The following RAB13 variants were observed in gnomAD, a reference collection of about 807,000 sequenced individuals.
RAB13 encodes RAB13, member RAS oncogene family.
A neutral mutation model predicts 29.3 loss-of-function variants in RAB13; 15 were observed. That is an observed-to-expected ratio of 0.51 (90% CI 0.34 to 0.79). RAB13 has a LOEUF of 0.79. Ranked by LOEUF, RAB13 falls within the 30% of genes least tolerant of loss-of-function variation. RAB13 has a pLI of 0.01. For synonymous variants in RAB13, 82 were observed against 93.8 expected, an observed-to-expected ratio of 0.87 and a Z score of 0.73; for missense variants, 186 against 255.5, an observed-to-expected ratio of 0.73 and a Z score of 1.85.
chr1:153,982,455 G>T lies in RAB13; in HGVS notation c.481-11C>A. 1 of 1,613,452 alleles carries T rather than the reference G, an allele frequency of 6.2e-7. No homozygotes were observed. Among genetic ancestry groups the T allele is most frequent in the Non-Finnish European group, 8.5e-7 (1 of 1,179,414 alleles). On this transcript the variant is annotated splice_polypyrimidine_tract_variant and intron_variant, in intron 6 of 7. Coordinates refer to ENST00000368575, the MANE Select transcript of RAB13 (RefSeq NM_002870.5). ...CAGGGAACTAAAAGCCTAAAGTGGG[G>T]AACAGAGTCAGTTTGGAGGGAGGAG...
intron 7 of RAB13, 49 bp downstream of exon 7, chr1:153,982,342 C>G: frequency 1.8e-5 from 23 of 1,310,550 alleles, no homozygotes; most frequent in Non-Finnish European, 2.4e-5. Context: ...CACATACATA[C>G]ACACACACAC....
Position 153,986,258 on chromosome 1 carries a change from G to C in RAB13, c.-22C>G. The C allele has an allele frequency of 6.2e-7, 1 of 1,601,692 alleles. No individual in the cohort carries two copies. The highest frequency in any genetic ancestry group is 1.1e-5 in the South Asian group (1 of 89,768). On this transcript the variant is annotated 5_prime_UTR_variant, in exon 1 of 8. Coordinates refer to ENST00000368575, the MANE Select transcript of RAB13 (RefSeq NM_002870.5). ...CCATGGCGGACACCGGGGGAGCCGG[G>C]GGAGGGGTGGGGAGCGCCCGGCACT...
rs985567775 is a variant in RAB13 at position 153,983,455 on chromosome 1, C to T, written c.246+66G>A. The T allele has an allele frequency of 4.5e-6, 7 of 1,538,620 alleles. No homozygotes were observed. The Admixed American group carries it at 1.2e-4, about 26-fold the overall frequency. The stretch of plus-strand genomic sequence containing the variant: ...ATTTTTACCTGCCCCAACCCCTGAC[C>T]CTTTGTATTCATAATATATTCTGTA... On this transcript the variant is annotated intron_variant, in intron 3 of 7. Coordinates refer to ENST00000368575, the MANE Select transcript of RAB13 (RefSeq NM_002870.5).
upstream of RAB13, among the ~76,000 whole-genome samples, chr1:153,987,599 A>G (rs1649214769): frequency 6.6e-6 from 1 of 151,406 alleles, no homozygotes; most frequent in South Asian, 2.1e-4. Flanking sequence ...TATTCTTGCT[A>G]TATGTGTGCT....
chr1:153,982,788 C>A lies in RAB13; in HGVS notation c.345G>T (p.Glu115Asp), dbSNP rs773169319. Residue 115 changes from glutamate (E) to aspartate (D), a missense_variant, in exon 5 of 8, where the codon GAG becomes GAT. Coordinates refer to ENST00000368575, the MANE Select transcript of RAB13 (RefSeq NM_002870.5). ...CACATTTGTTCCCCAGCAAGAGGCG[C>A]TCCACCCCAGCCGAGGCATTCTGGG... ...SIKENASAGVERLLLGNKCDM... is the reference protein window; with the variant it reads ...SIKENASAGVDRLLLGNKCDM... 2 of 1,614,144 alleles carry A rather than the reference C, an allele frequency of 1.2e-6. No individual in the cohort carries two copies. Among genetic ancestry groups the A allele is most frequent in the Middle Eastern group, 1.6e-4 (1 of 6,062 alleles).
upstream of RAB13, among the ~76,000 whole-genome samples, chr1:153,988,380 G>A (rs1296350027): frequency 1.4e-5 from 2 of 144,526 alleles, no homozygotes; most frequent in Middle Eastern, 3.4e-3. Context: ...TGCAAGCTCC[G>A]CCTCCTGGGT....
rs1270828433 is a variant in RAB13, at chr1:153,986,300, C to T, written c.-64G>A. The T allele has an allele frequency of 4.0e-5, 57 of 1,414,524 alleles. No individual in the cohort carries two copies. The highest frequency in any genetic ancestry group is 5.3e-5 in the Non-Finnish European group (54 of 1,011,126). 87.6% of individuals were successfully genotyped at this position (1,414,524 alleles called of 1,614,324 possible). On this transcript the variant is annotated 5_prime_UTR_variant, in exon 1 of 8. Transcript: ENST00000368575. ...CCCGGCACTGGTAGGCGGGACTGGA[C>T]GGTTGGCAAACAGAGCGGCACGGAG... is the stretch of plus-strand genomic sequence containing the variant.
At chr1:153,987,745 G>A (rs1466033277), upstream of RAB13, among the ~76,000 whole-genome samples, 59 of 127,210 alleles carry the variant, frequency 4.6e-4, 2 homozygotes, top group Admixed American at 5.7e-3. Flanking sequence ...TTCAAGACCA[G>A]CTTGGGCAAC....
intron 1 of RAB13, 171 bp downstream of exon 1, chr1:153,985,942 T>G: frequency 8.5e-7 from 1 of 1,172,144 alleles, no homozygotes; most frequent in Non-Finnish European, 1.2e-6. Context: ...GTGAGAGGTT[T>G]GGTTACTATA....
At chr1:153,990,695 G>A, upstream of RAB13, 3 of 1,496,496 alleles carry the variant, frequency 2.0e-6, no homozygotes, top group East Asian at 6.8e-5. Context: ...CAAACATGGT[G>A]GCACAAGATC....
Position 153,986,104 on chromosome 1 carries a change from C to T in RAB13, c.124+9G>A. 2 of 1,612,990 alleles carry T rather than the reference C, an allele frequency of 1.2e-6. No individual in the cohort carries two copies. Among genetic ancestry groups the T allele is most frequent in the Non-Finnish European group, 1.7e-6 (2 of 1,179,840 alleles). On this transcript the variant is annotated intron_variant, in intron 1 of 7. Coordinates refer to ENST00000368575, the MANE Select transcript of RAB13 (RefSeq NM_002870.5). ...GAGTCGGGGTCTGGGACATGGCCAG[C>T]GGGCTCACCGATGGTGGAGATGTAA...
intron 3 of RAB13, 91 bp from the exon 4 acceptor site, chr1:153,983,387 T>G (rs1207042255): frequency 1.2e-5 from 17 of 1,472,122 alleles, no homozygotes; most frequent in Non-Finnish European, 1.5e-5. Flanking sequence ...GTCTAAACAC[T>G]AGGCCATGTT....
chr1:153,989,774 C>T (rs990007496), upstream of RAB13, among the ~76,000 whole-genome samples: 8 of 151,632 alleles, frequency 5.3e-5, no homozygotes, highest in Non-Finnish European at 1.0e-4. Context: ...TGCCTGTAAT[C>T]CCAGCTACTC....
At chr1:153,986,545 G>C (rs1210052291), upstream of RAB13, among the ~76,000 whole-genome samples, 1 of 152,142 alleles carries the variant, frequency 6.6e-6, no homozygotes, top group African/African-American at 2.4e-5. Context: ...CCCCTCTTAG[G>C]ACCTTACTCT....
intron 1 of RAB13, chr1:153,985,418 T>C: frequency 1.0e-6 from 1 of 969,960 alleles, no homozygotes; most frequent in Non-Finnish European, 1.2e-6. Flanking sequence ...GACAATGTTC[T>C]TCTTAGTAGA....
At chr1:153,984,185 A>AT (rs1329094969) in intron 2 of RAB13, among the ~76,000 whole-genome samples, 1 of 151,716 alleles carries the variant, frequency 6.6e-6, no homozygotes, top group Non-Finnish European at 1.5e-5. Context: ...CTCAAAAAAA[A>AT]AAAAAAAAAA....
chr1:153,983,299 G>T lies in RAB13; in HGVS notation c.247-3C>A. 1 of 1,612,972 alleles carries T rather than the reference G, an allele frequency of 6.2e-7. No individual in the cohort carries two copies. Among genetic ancestry groups the T allele is most frequent in the Non-Finnish European group, 8.5e-7 (1 of 1,179,022 alleles). ...ATGTCGTATACTAGGATAATGCCCT[G>T]GGAGATGACAAAATTCACCTTGGAC... On this transcript the variant is annotated splice_region_variant and splice_polypyrimidine_tract_variant and intron_variant, in intron 3 of 7. Transcript: ENST00000368575.
At chr1:153,988,070 C>T (rs1649236643), upstream of RAB13, among the ~76,000 whole-genome samples, 1 of 151,598 alleles carries the variant, frequency 6.6e-6, no homozygotes, top group Non-Finnish European at 1.5e-5. Context: ...CTGCAACCTC[C>T]GCCTCCCGAA....
upstream of RAB13, among the ~76,000 whole-genome samples, chr1:153,987,749 G>A (rs921903816): frequency 2.8e-5 from 4 of 140,542 alleles, no homozygotes; most frequent in Non-Finnish European, 6.0e-5. Flanking sequence ...AGACCAGCTT[G>A]GGCAACATAG....
Sources: allele counts gnomAD v4.1 joint callset (sites outside exome capture counted in the v4.1 genomes callset), GRCh38; gene constraint gnomAD v4.1.1; transcripts MANE v1.5; gene names NCBI Gene and HGNC (gene_info 2026-07-23, HGNC 2026-07-21).